The following GPR39 variants were observed in gnomAD, a reference collection of about 807,000 sequenced individuals.
The protein encoded by GPR39 is zinc sensing receptor.
GPR39 carries 23 observed loss-of-function variants against 18.4 expected under a neutral mutation model. The ratio of observed to expected loss-of-function variants is 1.25; its 90% CI spans 0.90 to 1.77. The LOEUF (loss-of-function observed/expected upper bound fraction) is 1.77, where lower values mean the gene tolerates loss of function less well. GPR39 is among the 40% of genes most tolerant of loss of function. The pLI is 0.00. For synonymous variants in GPR39, 280 were observed against 257.9 expected (o/e 1.09, Z -0.82); for missense variants, 647 against 602.4 (o/e 1.07, Z -0.78).
intron 1 of GPR39, among the ~76,000 whole-genome samples, chr2:132,442,904 G>A (rs11674833): frequency 0.5 from 76,459 of 152,008 alleles, 20,903 homozygotes; most frequent in Non-Finnish European, 0.62. Context: ...TTGATTCTTT[G>A]CATTGGCAAC....
In GPR39 at chr2:132,534,514, A is replaced by G. The variant is rs1350957139; in HGVS notation, c.857-110587A>G. On this transcript the variant is annotated intron_variant, in intron 1 of 1. Coordinates refer to ENST00000329321, the MANE Select transcript of GPR39 (RefSeq NM_001508.3). Reference sequence around the variant, plus strand: ...GTATATAACCAAATGACTATAAATCATGCTGCTATGAAGACACATGCACAC... The same window carrying G: ...GTATATAACCAAATGACTATAAATCGTGCTGCTATGAAGACACATGCACAC... 4.0e-5 allele frequency among the ~76,000 whole-genome samples: 6 copies of G among 148,824 alleles called. No homozygotes were observed. In the East Asian group the frequency reaches 1.1e-3, roughly 27 times the overall value.
intron 1 of GPR39, among the ~76,000 whole-genome samples, chr2:132,524,205 T>C (rs182547580): frequency 2.0e-5 from 3 of 152,332 alleles, no homozygotes; most frequent in Admixed American, 2.0e-4. Flanking sequence ...AGAACACCTG[T>C]GAAGAGGGAA....
chr2:132,599,199 T>G (rs1272556806), intron 1 of GPR39, among the ~76,000 whole-genome samples: 7 of 152,290 alleles, frequency 4.6e-5, no homozygotes, highest in Non-Finnish European at 8.8e-5. Flanking sequence ...TTTAACAACT[T>G]TCCAGCGGGA....
chr2:132,596,277 C>T (rs896088762), intron 1 of GPR39, among the ~76,000 whole-genome samples: 6 of 141,688 alleles, frequency 4.2e-5, no homozygotes, highest in Admixed American at 7.2e-5. Flanking sequence ...CTGAAAATTC[C>T]CTTCCTTTTC....
chr2:132,608,761 C>T (rs1176871603), intron 1 of GPR39, among the ~76,000 whole-genome samples: 1 of 152,188 alleles, frequency 6.6e-6, no homozygotes, highest in Non-Finnish European at 1.5e-5. Context: ...GTCAGCTCAC[C>T]TTTAAGTAGC....
intron 1 of GPR39, among the ~76,000 whole-genome samples, chr2:132,630,109 CAT>C (rs1681621724): frequency 6.6e-6 from 1 of 152,274 alleles, no homozygotes; most frequent in South Asian, 2.1e-4. Context: ...CAGACGCAGA[CAT>C]AGACATAGAC....
chr2:132,605,122 G>A (rs2104844826), intron 1 of GPR39, among the ~76,000 whole-genome samples: 1 of 152,308 alleles, frequency 6.6e-6, no homozygotes, highest in Non-Finnish European at 1.5e-5. Context: ...TAAGATAAAT[G>A]GTAGAGCTGG....
intron 1 of GPR39, among the ~76,000 whole-genome samples, chr2:132,585,566 G>A (rs1465778758): frequency 6.6e-6 from 1 of 152,344 alleles, no homozygotes. Context: ...TGCGGACGGG[G>A]CCTGGACTTC....
Position 132,416,931 on chromosome 2 carries a change from T to G in GPR39, c.-112T>G, listed in dbSNP as rs1353028835. On this transcript the variant is annotated 5_prime_UTR_variant, in exon 1 of 2. Transcript: ENST00000329321. ...CTTCGCGAGGAGAACTCGAGTGAGA[T>G]AAAATCGTGCGCCCACGCAGGTGAG... 49 of 1,338,284 alleles carry G rather than the reference T, an allele frequency of 3.7e-5. No homozygotes were observed. The highest frequency in any genetic ancestry group is 4.9e-5 in the Non-Finnish European group (48 of 974,582). 82.9% of individuals were successfully genotyped at this position (1,338,284 alleles called of 1,614,324 possible).
intron 1 of GPR39, among the ~76,000 whole-genome samples, chr2:132,446,629 G>A (rs1226853806): frequency 2.0e-5 from 3 of 152,150 alleles, no homozygotes; most frequent in Admixed American, 6.5e-5. Context: ...GGAGATGCTG[G>A]CAAGGCTAAG....
chr2:132,513,420 G>A (rs750487804), intron 1 of GPR39, among the ~76,000 whole-genome samples: 3 of 151,558 alleles, frequency 2.0e-5, no homozygotes, highest in South Asian at 2.1e-4. Context: ...CTGAGATCGC[G>A]CCACTGCACT....
At chr2:132,564,880 G>C (rs1680321276) in intron 1 of GPR39, among the ~76,000 whole-genome samples, 1 of 129,916 alleles carries the variant, frequency 7.7e-6, no homozygotes, top group African/African-American at 2.9e-5. Context: ...ACAGTGGCAT[G>C]ATCTAGGCTC....
At chr2:132,643,715 T>C (rs534159877) in intron 1 of GPR39, among the ~76,000 whole-genome samples, 47 of 152,306 alleles carry the variant, frequency 3.1e-4, no homozygotes, top group African/African-American at 1.0e-3. Flanking sequence ...AGATGGGGTC[T>C]TGCTATGTTG....
intron 1 of GPR39, among the ~76,000 whole-genome samples, chr2:132,442,629 A>G (rs1680460683): frequency 3.9e-5 from 6 of 152,352 alleles, no homozygotes; most frequent in Admixed American, 3.3e-4. Context: ...TTTAAGCAGC[A>G]AAACTGCTTA....
At chr2:132,537,812 A>G (rs1339765789) in intron 1 of GPR39, among the ~76,000 whole-genome samples, 1 of 151,748 alleles carries the variant, frequency 6.6e-6, no homozygotes, top group Non-Finnish European at 1.5e-5. Flanking sequence ...AGATTCTGAT[A>G]TCCTTTCTTC....
intron 1 of GPR39, among the ~76,000 whole-genome samples, chr2:132,492,905 A>G (rs62645265): frequency 5.2e-3 from 730 of 140,542 alleles, no homozygotes; most frequent in African/African-American, 0.012. Context: ...TACCATATAT[A>G]TACACCATAT....
At chr2:132,445,966 G>A (rs1274034207) in intron 1 of GPR39, among the ~76,000 whole-genome samples, 1 of 152,168 alleles carries the variant, frequency 6.6e-6, no homozygotes, top group South Asian at 2.1e-4. Flanking sequence ...CAGCACAGGA[G>A]ACCTCGCAGG....
intron 1 of GPR39, among the ~76,000 whole-genome samples, chr2:132,445,714 G>A (rs1680522810): frequency 6.6e-6 from 1 of 152,122 alleles, no homozygotes; most frequent in African/African-American, 2.4e-5. Context: ...TGTTCCCAGA[G>A]AACAACCTTG....
intron 1 of GPR39, among the ~76,000 whole-genome samples, chr2:132,552,766 C>A (rs191089403): frequency 6.6e-6 from 1 of 150,432 alleles, no homozygotes; most frequent in South Asian, 2.1e-4. Flanking sequence ...TCTGTTAAGT[C>A]AAACCACAGT....
Sources: allele counts gnomAD v4.1 joint callset (sites outside exome capture counted in the v4.1 genomes callset), GRCh38; gene constraint gnomAD v4.1.1; transcripts MANE v1.5; gene names NCBI Gene and HGNC (gene_info 2026-07-23, HGNC 2026-07-21).